Variants in CPAP observed in about 807,000 individuals in gnomAD.
CPAP encodes centrosomal P4.1-associated protein.
chr13:24,883,137 A>C, the CPAP span: 1 of 1,540,706 alleles, frequency 6.5e-7, no homozygotes, highest in South Asian at 1.1e-5. Flanking sequence ...TTTTAACATA[A>C]AAAGTCAGTT....
the CPAP span, chr13:24,913,159 C>G: frequency 2.8e-6 from 2 of 718,184 alleles, no homozygotes; most frequent in Non-Finnish European, 4.7e-6. Context: ...AAAATGAGCC[C>G]AAACCTCAAC....
the CPAP span, chr13:24,905,759 TCAGA>T: frequency 6.2e-7 from 1 of 1,614,190 alleles, no homozygotes; most frequent in South Asian, 1.1e-5. Flanking sequence ...GTAATCTTTA[TCAGA>T]CAAATCCAGA....
chr13:24,908,354 T>C, the CPAP span, among the ~76,000 whole-genome samples: 1 of 146,144 alleles, frequency 6.8e-6, no homozygotes, highest in African/African-American at 2.6e-5. Flanking sequence ...ATCCCAGCAC[T>C]TTGGGAGGCC....
At chr13:24,883,367 T>C in the CPAP span, 2 of 1,597,924 alleles carry the variant, frequency 1.3e-6, no homozygotes, top group Middle Eastern at 3.3e-4. Context: ...TTTGTTGCCA[T>C]CACTGTAAAA....
the CPAP span, among the ~76,000 whole-genome samples, chr13:24,919,513 A>G: frequency 6.6e-6 from 1 of 150,510 alleles, no homozygotes; most frequent in African/African-American, 2.5e-5. Context: ...TCTACCACCC[A>G]GGCCCCAGTG....
chr13:24,926,988 T>A, the CPAP span, among the ~76,000 whole-genome samples: 1 of 152,060 alleles, frequency 6.6e-6, no homozygotes, highest in Non-Finnish European at 1.5e-5. Flanking sequence ...ATATGATGAG[T>A]TGTGTGAATG....
the CPAP span, among the ~76,000 whole-genome samples, chr13:24,913,573 G>A: frequency 0.64 from 97,980 of 151,940 alleles, 32,051 homozygotes; most frequent in East Asian, 0.8. Flanking sequence ...TTCCTCTCTC[G>A]TCTCCCTACT....
chr13:24,932,917 A>G, the CPAP span: 5 of 843,606 alleles, frequency 5.9e-6, no homozygotes, highest in Admixed American at 1.2e-4. Context: ...GTAATGCCTA[A>G]TTTTTCCAGT....
At chr13:24,896,757 T>C in the CPAP span, among the ~76,000 whole-genome samples, 1 of 152,266 alleles carries the variant, frequency 6.6e-6, no homozygotes. Context: ...CTAAGGAGGT[T>C]ATTTATTTTT....
the CPAP span, among the ~76,000 whole-genome samples, chr13:24,924,113 G>C: frequency 0.043 from 6,479 of 152,210 alleles, 237 homozygotes; most frequent in African/African-American, 0.1. Context: ...AATTACAGGC[G>C]TGAGCCACCG....
chr13:24,899,338 A>T, the CPAP span: 1 of 1,119,210 alleles, frequency 8.9e-7, no homozygotes, highest in Non-Finnish European at 1.3e-6. Context: ...TTTTGCTTTG[A>T]CATAAGAAAT....
the CPAP span, among the ~76,000 whole-genome samples, chr13:24,893,696 G>A: frequency 6.6e-6 from 1 of 152,304 alleles, no homozygotes; most frequent in African/African-American, 2.4e-5. Context: ...TTTGTGAGAC[G>A]GATTATGACC....
chr13:24,929,698 C>A, the CPAP span, among the ~76,000 whole-genome samples: 19,261 of 152,078 alleles, frequency 0.13, 1,705 homozygotes, highest in African/African-American at 0.25. Context: ...TCTTCAGTCA[C>A]TCTTCCTGCC....
At chr13:24,899,509 C>T in the CPAP span, 4 of 1,613,688 alleles carry the variant, frequency 2.5e-6, no homozygotes, top group Non-Finnish European at 2.5e-6. Flanking sequence ...GTAGCTTCCT[C>T]ATCTCCTCCT....
At chr13:24,889,353 C>G in the CPAP span, 1 of 1,612,390 alleles carries the variant, frequency 6.2e-7, no homozygotes, top group South Asian at 1.1e-5. Context: ...ATTTTTCTAC[C>G]TGGGTTCCTG....
the CPAP span, among the ~76,000 whole-genome samples, chr13:24,890,665 C>G: frequency 6.6e-6 from 1 of 152,208 alleles, no homozygotes; most frequent in Non-Finnish European, 1.5e-5. Context: ...GGTACAGCCA[C>G]GAATCACTCT....
the CPAP span, chr13:24,889,332 A>AT: frequency 1.2e-6 from 2 of 1,610,336 alleles, no homozygotes; most frequent in Admixed American, 3.3e-5. Flanking sequence ...TTGGAAGATA[A>AT]TTTTTCTTGT....
At chr13:24,907,162 G>A in the CPAP span, 1 of 1,613,718 alleles carries the variant, frequency 6.2e-7, no homozygotes, top group Non-Finnish European at 8.5e-7. Context: ...TCAAAGGTCT[G>A]TTTCCTTTCT....
At chr13:24,901,799 CTGG>C in the CPAP span, among the ~76,000 whole-genome samples, 2 of 152,156 alleles carry the variant, frequency 1.3e-5, no homozygotes, top group African/African-American at 4.8e-5. Context: ...CAAGACCAGC[CTGG>C]GGAACATGGC....
Sources: gnomAD v4.1 joint callset for allele counts (sites outside exome capture counted in the v4.1 genomes callset) on GRCh38, gnomAD v4.1.1 for gene constraint, MANE v1.5 for transcripts, NCBI Gene and HGNC (gene_info 2026-07-23, HGNC 2026-07-21) for gene names.